Variants in FBXL20 observed in about 807,000 individuals in gnomAD.
FBXL20 encodes F-box/LRR-repeat protein 20.
FBXL20 carries 11 observed loss-of-function variants against 64.0 expected under a neutral mutation model. The ratio of observed to expected loss-of-function variants is 0.17; its 90% CI spans 0.11 to 0.28. The LOEUF is 0.28. Among genes scored for constraint, FBXL20 ranks in the 10% least tolerant of loss-of-function variants. The pLI is 1.00. For missense variants in FBXL20, 303 were observed against 526.2 expected (o/e 0.58, Z 4.15); for synonymous variants, 184 against 189.0 (o/e 0.97, Z 0.22).
intron 1 of FBXL20, among the ~76,000 whole-genome samples, chr17:39,346,800 G>A (rs954523625): frequency 4.6e-5 from 7 of 151,558 alleles, no homozygotes; most frequent in African/African-American, 1.7e-4. Flanking sequence ...CCGTTAACTC[G>A]TCATTTACAT....
intron 1 of FBXL20, among the ~76,000 whole-genome samples, chr17:39,367,142 A>G (rs2047868343): frequency 1.3e-5 from 2 of 151,652 alleles, no homozygotes; most frequent in South Asian, 4.2e-4. Context: ...CTCAGCCTCC[A>G]AAAGTGCTGG....
intron 1 of FBXL20, among the ~76,000 whole-genome samples, chr17:39,387,530 C>T (rs946770285): frequency 2.6e-5 from 4 of 151,210 alleles, no homozygotes; most frequent in East Asian, 3.9e-4. Flanking sequence ...CTGGCCGTCT[C>T]GGCCTCCCAA....
At chr17:39,379,745 C>A (rs939657237) in intron 1 of FBXL20, among the ~76,000 whole-genome samples, 9 of 151,962 alleles carry the variant, frequency 5.9e-5, no homozygotes, top group Non-Finnish European at 1.2e-4. Flanking sequence ...TGTACCACTG[C>A]AATCCAGCCT....
rs1235792185 is a variant in FBXL20, at chr17:39,282,800, T to C, written c.550A>G (p.Lys184Glu). The change falls in exon 8 of 15, where the codon AAG (lysine) becomes GAG (glutamate). Residue 184 changes from lysine to glutamate, a missense_variant. Lys to Glu is a moderately conservative substitution (Grantham distance 56). This residue lies in a region of FBXL20 where 246 missense variants were observed against 422.6 expected (regional missense o/e 0.58). Transcript: ENST00000264658. ...CTCACTAGTGCTTGAATGCCATCCT[T>C]GGTTACTTGGTCACACCAGGAAATG... is the stretch of plus-strand genomic sequence containing the variant. The part of the protein sequence containing the change: ...LNISWCDQVT[K>E]DGIQALVRGC... 6.2e-7 allele frequency: 1 copy of C among 1,613,986 alleles called. No individual in the cohort carries two copies. Among genetic ancestry groups the C allele is most frequent in the East Asian group, 2.2e-5 (1 of 44,888 alleles).
intron 4 of FBXL20, among the ~76,000 whole-genome samples, chr17:39,299,788 A>G (rs2047118625): frequency 6.8e-6 from 1 of 146,352 alleles, no homozygotes; most frequent in African/African-American, 2.5e-5. Flanking sequence ...GTCTCAAAAC[A>G]ACAACAACAA....
intron 9 of FBXL20, among the ~76,000 whole-genome samples, chr17:39,276,020 G>A (rs1005187995): frequency 2.6e-5 from 4 of 151,858 alleles, no homozygotes; most frequent in Non-Finnish European, 4.4e-5. Flanking sequence ...GCTGAGGTGG[G>A]TGGATCACCT....
At chr17:39,343,155 C>A in intron 2 of FBXL20, 25 bp downstream of exon 2, 1 of 1,549,870 alleles carries the variant, frequency 6.5e-7, no homozygotes, top group East Asian at 2.3e-5. Context: ...ATAAAAAAAC[C>A]CATAAAATTA....
At chr17:39,328,832 C>G (rs1318454287) in intron 2 of FBXL20, among the ~76,000 whole-genome samples, 1 of 152,122 alleles carries the variant, frequency 6.6e-6, no homozygotes, top group Non-Finnish European at 1.5e-5. Flanking sequence ...GGTGGAAGGA[C>G]CACTTGAGGC....
chr17:39,270,930 G>T, intron 10 of FBXL20, 74 bp from the exon 11 acceptor site: 1 of 1,223,898 alleles, frequency 8.2e-7, no homozygotes, highest in Non-Finnish European at 1.1e-6. Flanking sequence ...AAAACAGTAA[G>T]AATTTACAAA....
chr17:39,346,431 C>G (rs754610219), intron 1 of FBXL20, among the ~76,000 whole-genome samples: 1 of 151,930 alleles, frequency 6.6e-6, no homozygotes, highest in African/African-American at 2.4e-5. Context: ...TTTAGAAATG[C>G]GAAACACCAC....
At chr17:39,378,960 G>A (rs899474921) in intron 1 of FBXL20, among the ~76,000 whole-genome samples, 4 of 148,628 alleles carry the variant, frequency 2.7e-5, no homozygotes, top group Admixed American at 6.7e-5. Flanking sequence ...AGGCACAGTG[G>A]CTCACGCCTG....
intron 2 of FBXL20, among the ~76,000 whole-genome samples, chr17:39,311,388 T>C (rs2047234229): frequency 6.6e-6 from 1 of 152,180 alleles, no homozygotes. Flanking sequence ...CATCTCTTTG[T>C]TTCCAAGTCT....
chr17:39,330,047 C>G (rs550543824), intron 2 of FBXL20, among the ~76,000 whole-genome samples: 2 of 152,192 alleles, frequency 1.3e-5, no homozygotes, highest in East Asian at 3.9e-4. Flanking sequence ...AATCCCAGCA[C>G]TTTTGGAGGT....
intron 1 of FBXL20, among the ~76,000 whole-genome samples, chr17:39,366,552 T>A (rs1462628955): frequency 1.3e-4 from 20 of 152,182 alleles, no homozygotes; most frequent in Admixed American, 1.3e-3. Flanking sequence ...CACAGTAATT[T>A]ATGAAAAAAC....
intron 2 of FBXL20, among the ~76,000 whole-genome samples, chr17:39,341,879 T>C (rs1394154866): frequency 2.6e-5 from 4 of 152,196 alleles, no homozygotes; most frequent in Non-Finnish European, 1.5e-5. Context: ...ACACACCTTA[T>C]AGCTCATCAA....
chr17:39,331,440 T>C (rs2144539306), intron 2 of FBXL20, among the ~76,000 whole-genome samples: 1 of 152,238 alleles, frequency 6.6e-6, no homozygotes, highest in East Asian at 1.9e-4. Context: ...CTACTACTCT[T>C]TAAGTCACAG....
chr17:39,281,283 T>C (rs112363577), intron 9 of FBXL20, 106 bp downstream of exon 9: 5 of 979,976 alleles, frequency 5.1e-6, no homozygotes, highest in South Asian at 4.6e-5. Flanking sequence ...AGGGTTGTGG[T>C]AGAAAAACAA....
chr17:39,385,084 T>G (rs1281834021), intron 1 of FBXL20, among the ~76,000 whole-genome samples: 1 of 152,178 alleles, frequency 6.6e-6, no homozygotes, highest in Admixed American at 6.5e-5. Flanking sequence ...TAGCTATGCA[T>G]GGTGGTGCAT....
rs566746901 is a variant in FBXL20, at chr17:39,259,965, G to C, written c.*1495C>G. 12 of 126,460 alleles carry C rather than the reference G, an allele frequency of 9.5e-5. No homozygotes were observed. In the Admixed American group the frequency reaches 1.1e-3, roughly 12 times the overall value. The allele number at this position is 126,460 out of a possible 1,614,324, so 7.8% of individuals were successfully genotyped here. A position where few individuals can be genotyped will look rare whatever the true frequency, so the allele number is the denominator to read the frequency against. On this transcript the variant is annotated 3_prime_UTR_variant, in exon 15 of 15. Coordinates refer to ENST00000264658, the MANE Select transcript of FBXL20 (RefSeq NM_032875.3). Reference sequence around the variant, plus strand: ...CACCACTGCACTCCAGTCTGGGCAAGAGTGAGAACCCGTCTTAAAAAAAAA... The same window carrying C: ...CACCACTGCACTCCAGTCTGGGCAACAGTGAGAACCCGTCTTAAAAAAAAA...
Sources: gnomAD v4.1 joint callset for allele counts (sites outside exome capture counted in the v4.1 genomes callset) on GRCh38, gnomAD v4.1.1 for gene constraint, gnomAD v4.1.1 regional missense constraint, MANE v1.5 for transcripts, NCBI Gene and HGNC (gene_info 2026-07-23, HGNC 2026-07-21) for gene names.